The following TRPC1 variants were observed in gnomAD, a reference collection of about 807,000 sequenced individuals.
TRPC1 encodes transient receptor potential cation channel subfamily C member 1.
A neutral mutation model predicts 88.2 loss-of-function variants in TRPC1; 42 were observed. The ratio of observed to expected loss-of-function variants is 0.48; its 90% CI spans 0.37 to 0.62. TRPC1 has a LOEUF of 0.62. Among genes scored for constraint, TRPC1 ranks in the 20% least tolerant of loss-of-function variants. The pLI is 0.00. For missense variants in TRPC1, 699 were observed against 957.3 expected (o/e 0.73, Z 3.56); for synonymous variants, 288 against 331.8 (o/e 0.87, Z 1.43).
intron 9 of TRPC1, chr3:142,793,858 T>C: frequency 1.0e-6 from 1 of 985,258 alleles, no homozygotes; most frequent in Non-Finnish European, 1.2e-6. Context: ...AAATAAAATA[T>C]ATAGGAAAAA....
Position 142,784,901 on chromosome 3 carries a change from A to G in TRPC1, c.1158A>G (p.Lys386=). The G allele has an allele frequency of 6.2e-7, 1 of 1,614,084 alleles. No individual in the cohort carries two copies. The highest frequency in any genetic ancestry group is 8.5e-7 in the Non-Finnish European group (1 of 1,180,002). ...GAATCATTCACACACCTTTTATGAA[A>G]TTTATCATTCATGGAGCATCATATT... ...FGRIIHTPFM[K]FIIHGASYFT... is the part of the protein sequence containing the mutation. Residue 386 remains lysine, a synonymous_variant, in exon 7 of 13, where the codon AAA becomes AAG. Transcript: ENST00000476941.
intron 12 of TRPC1, among the ~76,000 whole-genome samples, chr3:142,805,127 TATACACAC>T (rs371727346): frequency 0.14 from 16,998 of 120,396 alleles, 967 homozygotes; most frequent in African/African-American, 0.16. Context: ...CAAATATATA[TATACACAC>T]ACACACACAC....
chr3:142,737,057 A>G (rs549384683), intron 2 of TRPC1, among the ~76,000 whole-genome samples: 1 of 152,254 alleles, frequency 6.6e-6, no homozygotes, highest in South Asian at 2.1e-4. Flanking sequence ...ATCCATCTAT[A>G]AAAGGTAGAC....
chr3:142,732,533 G>A, intron 1 of TRPC1, among the ~76,000 whole-genome samples: 1 of 152,096 alleles, frequency 6.6e-6, no homozygotes, highest in Non-Finnish European at 1.5e-5. Context: ...TTAGTTAAGA[G>A]GCTATTGCAG....
rs188863275 is a variant in TRPC1 at position 142,762,801 on chromosome 3, A to G, written c.632+14341A>G. On this transcript the variant is annotated intron_variant, in intron 4 of 12. Coordinates refer to ENST00000476941, the MANE Select transcript of TRPC1 (RefSeq NM_001251845.2). Reference sequence around the variant, plus strand: ...ACTCTTTCTACTTTTCTAATATGGGAATTTATTGCTATAACCTTCCCTCTC... The same window carrying G: ...ACTCTTTCTACTTTTCTAATATGGGGATTTATTGCTATAACCTTCCCTCTC... Among the ~76,000 whole-genome samples, 162 of 152,212 alleles carry G rather than the reference A, an allele frequency of 1.1e-3. 3 individuals are homozygous for G. The highest frequency in any genetic ancestry group is 9.8e-3 in the Admixed American group (149 of 15,272).
Position 142,743,488 on chromosome 3 carries a change from G to A in TRPC1, c.331G>A (p.Ala111Thr). The change falls in exon 3 of 13, where the codon GCA (alanine) becomes ACA (threonine). Residue 111 changes from alanine (A) to threonine (T), a missense_variant. Ala to Thr is a moderately conservative substitution (Grantham distance 58). This residue lies in a region of TRPC1 where 426 missense variants were observed against 641.3 expected (regional missense o/e 0.66). Transcript: ENST00000476941. ...TTAACTTTTTTTTTTTTTGAAGTCT[G>A]CAGATGCACTTTTGGTGGCAATCGA... Reference protein sequence around the residue: ...QLLLDYGCQSADALLVAIDSE... With the variant: ...QLLLDYGCQSTDALLVAIDSE... 1 of 1,488,848 alleles carries A rather than the reference G, an allele frequency of 6.7e-7. No homozygotes were observed. The highest frequency in any genetic ancestry group is 8.9e-7 in the Non-Finnish European group (1 of 1,126,968). The allele number at this position is 1,488,848 out of a possible 1,614,324, so 92.2% of individuals were successfully genotyped here.
intron 1 of TRPC1, among the ~76,000 whole-genome samples, chr3:142,731,675 C>T (rs540767541): frequency 2.4e-4 from 37 of 152,016 alleles, no homozygotes; most frequent in African/African-American, 8.7e-4. Context: ...TGAGCCACCG[C>T]GCCCGGCTTG....
At chr3:142,784,674 C>G in intron 6 of TRPC1, 30 bp from the exon 7 acceptor site, 1 of 1,525,178 alleles carries the variant, frequency 6.6e-7, no homozygotes, top group Non-Finnish European at 8.8e-7. Context: ...TACTTTTTTT[C>G]TTTTTAATGT....
chr3:142,769,261 C>T (rs1052023593), intron 4 of TRPC1, among the ~76,000 whole-genome samples: 1 of 152,102 alleles, frequency 6.6e-6, no homozygotes, highest in African/African-American at 2.4e-5. Flanking sequence ...ACATTTTTAT[C>T]ACCTTATAAA....
chr3:142,743,497 CT>C lies in TRPC1; in HGVS notation c.344del (p.Leu115TrpfsTer8), dbSNP rs1577953064. 1 of 1,504,850 alleles carries C rather than the reference CT, an allele frequency of 6.6e-7. No individual in the cohort carries two copies. The highest frequency in any genetic ancestry group is 2.5e-5 in the East Asian group (1 of 40,198). The allele number at this position is 1,504,850 out of a possible 1,614,324, so 93.2% of individuals were successfully genotyped here. ...LDYGCQSADA[L>X]LVAIDSEVVG... ...TTTTTTTTTGAAGTCTGCAGATGCA[CT>C]TTTGGTGGCAATCGACTCTGAAGTA... On this transcript the variant is annotated frameshift_variant, in exon 3 of 13. Coordinates refer to ENST00000476941, the MANE Select transcript of TRPC1 (RefSeq NM_001251845.2). LOFTEE classifies it high-confidence loss of function.
chr3:142,754,238 G>A (rs1934881325), intron 4 of TRPC1, among the ~76,000 whole-genome samples: 1 of 151,966 alleles, frequency 6.6e-6, no homozygotes, highest in Non-Finnish European at 1.5e-5. Context: ...TATAATAGCT[G>A]TGATTTGGTT....
At chr3:142,766,586 G>A (rs779691367) in intron 4 of TRPC1, among the ~76,000 whole-genome samples, 2 of 151,524 alleles carry the variant, frequency 1.3e-5, no homozygotes, top group Non-Finnish European at 1.5e-5. Flanking sequence ...TTTTTAGTAT[G>A]GCCAGGCTGG....
intron 3 of TRPC1, among the ~76,000 whole-genome samples, chr3:142,746,543 C>A (rs1934562488): frequency 6.6e-6 from 1 of 152,052 alleles, no homozygotes; most frequent in South Asian, 2.1e-4. Flanking sequence ...ACAAATTAGT[C>A]ATAAAAGAGG....
rs1933535652 is a variant in TRPC1, at chr3:142,724,058, A to G, written c.-502A>G. The G allele has an allele frequency of 6.8e-6, 1 of 147,268 alleles. No homozygotes were observed. The highest frequency in any genetic ancestry group is 1.5e-5 in the Non-Finnish European group (1 of 67,176). 9.1% of individuals were successfully genotyped at this position (147,268 alleles called of 1,614,324 possible). ...CGTCGCTACAGAGGAGCAGAGGATG[A>G]CGTGAGGACAGAGTCGCGAACATCT... On this transcript the variant is annotated 5_prime_UTR_variant, in exon 1 of 13. Transcript: ENST00000476941. This position sits in a 1 kb window ranked among gnomAD's most constrained non-coding sequence, Gnocchi z 5.6.
At chr3:142,745,378 C>T (rs576663469) in intron 3 of TRPC1, among the ~76,000 whole-genome samples, 15 of 152,244 alleles carry the variant, frequency 9.9e-5, no homozygotes, top group East Asian at 9.7e-4. Flanking sequence ...TGGCAGCCCT[C>T]ACCTACTTAG....
intron 4 of TRPC1, among the ~76,000 whole-genome samples, chr3:142,752,887 C>G (rs1368696337): frequency 6.6e-6 from 1 of 152,182 alleles, no homozygotes; most frequent in Non-Finnish European, 1.5e-5. Flanking sequence ...TTATACAACA[C>G]ATGTTTTTGT....
At chr3:142,743,048 TTGA>T (rs1443080429) in intron 2 of TRPC1, among the ~76,000 whole-genome samples, 2 of 152,206 alleles carry the variant, frequency 1.3e-5, no homozygotes, top group African/African-American at 4.8e-5. Context: ...CCTGTTTGCA[TTGA>T]TGATAATCAT....
chr3:142,729,482 C>G (rs1933812028), intron 1 of TRPC1, among the ~76,000 whole-genome samples: 1 of 152,050 alleles, frequency 6.6e-6, no homozygotes, highest in Non-Finnish European at 1.5e-5. Context: ...GAAGCAAGTG[C>G]TCAATTTAAC....
chr3:142,736,627 C>T (rs1318027496), intron 2 of TRPC1, 94 bp downstream of exon 2: 10 of 1,108,532 alleles, frequency 9.0e-6, no homozygotes, highest in Non-Finnish European at 1.2e-5. Flanking sequence ...TCTTTTTCCT[C>T]CTCTTCTTCC....
Sources: allele counts gnomAD v4.1 joint callset (sites outside exome capture counted in the v4.1 genomes callset), GRCh38; gene constraint gnomAD v4.1.1; regional missense constraint gnomAD v4.1.1; non-coding constraint Gnocchi (gnomAD v3.1); transcripts MANE v1.5; gene names NCBI Gene and HGNC (gene_info 2026-07-23, HGNC 2026-07-21).